FKBP1A: variants seen among roughly 807,000 people sequenced by gnomAD.
FKBP1A encodes the protein FKBP prolyl isomerase 1A, also known as peptidyl-prolyl cis-trans isomerase FKBP1A.
FKBP1A carries 5 observed loss-of-function variants against 14.2 expected under a neutral mutation model. The ratio of observed to expected loss-of-function variants is 0.35; its 90% confidence interval spans 0.18 to 0.74. FKBP1A has a LOEUF of 0.74. Among genes scored for constraint, FKBP1A ranks in the 30% least tolerant of loss-of-function variants. The pLI is 0.56. For missense variants in FKBP1A, 53 were observed against 138.8 expected (o/e 0.38, Z 3.10); for synonymous variants, 42 against 49.1 (o/e 0.86, Z 0.60).
At chr20:1,385,541 C>T (rs941724441) in intron 2 of FKBP1A, among the ~76,000 whole-genome samples, 1 of 152,102 alleles carries the variant, frequency 6.6e-6, no homozygotes, top group Non-Finnish European at 1.5e-5. Flanking sequence ...CCTGCTTCTG[C>T]TCTTGCTCTC....
At chr20:1,391,936 G>A (rs529325951) in intron 2 of FKBP1A, among the ~76,000 whole-genome samples, 1 of 152,042 alleles carries the variant, frequency 6.6e-6, no homozygotes, top group African/African-American at 2.4e-5. Flanking sequence ...CCCCTCCCCC[G>A]CCCCCATACA....
At chr20:1,392,762 G>A in intron 2 of FKBP1A, 72 bp downstream of exon 2, 5 of 1,215,690 alleles carry the variant, frequency 4.1e-6, no homozygotes, top group Middle Eastern at 2.9e-4. Context: ...GGGCCCCCAG[G>A]CCTCGACGGC....
chr20:1,382,516 T>A (rs767257630), intron 2 of FKBP1A, among the ~76,000 whole-genome samples: 5 of 152,186 alleles, frequency 3.3e-5, no homozygotes, highest in Non-Finnish European at 5.9e-5. Context: ...CAGCCCAAGC[T>A]CACAGACCTG....
At chr20:1,371,109 AG>A (rs1248771748) in intron 4 of FKBP1A, 25 of 985,448 alleles carry the variant, frequency 2.5e-5, no homozygotes, top group Non-Finnish European at 2.9e-5. Flanking sequence ...TTCAAACAAA[AG>A]TGTCCTCACC....
intron 3 of FKBP1A, among the ~76,000 whole-genome samples, chr20:1,373,768 G>T (rs569355784): frequency 6.6e-6 from 1 of 152,236 alleles, no homozygotes; most frequent in South Asian, 2.1e-4. Flanking sequence ...AGCAGTCACA[G>T]AAGATGGGTT....
chr20:1,371,343 T>C (rs1221284678), intron 4 of FKBP1A, among the ~76,000 whole-genome samples: 2 of 152,246 alleles, frequency 1.3e-5, no homozygotes, highest in African/African-American at 2.4e-5. Context: ...TGCCACTGCC[T>C]GGATGTGACC....
chr20:1,371,770 G>A, intron 4 of FKBP1A: 4 of 1,041,988 alleles, frequency 3.8e-6, no homozygotes, highest in Non-Finnish European at 4.6e-6. Flanking sequence ...CTACAAATTT[G>A]GCCTACATTT....
intron 4 of FKBP1A, among the ~76,000 whole-genome samples, chr20:1,371,551 C>G (rs1352066292): frequency 6.6e-6 from 1 of 152,140 alleles, no homozygotes; most frequent in African/African-American, 2.4e-5. Context: ...GGGTGTGGAC[C>G]CTGAGCAGGT....
chr20:1,392,979 G>C lies in FKBP1A; in HGVS notation c.20C>G (p.Thr7Ser). 1 of 1,489,376 alleles carries C rather than the reference G, an allele frequency of 6.7e-7. No individual in the cohort carries two copies. Among genetic ancestry groups the C allele is most frequent in the East Asian group, 2.6e-5 (1 of 38,928 alleles). The allele number at this position is 1,489,376 out of a possible 1,614,324, so 92.3% of individuals were successfully genotyped here. A position where few individuals can be genotyped will look rare whatever the true frequency, so the allele number is the denominator to read the frequency against. The stretch of plus-strand genomic sequence containing the variant: ...CTACTCACCGTCTCCTGGGGAGATG[G>C]TTTCCACCTGCACTCCCATGGCGGC... MGVQVE[T>S]ISPGDGRTFP... Residue 7 changes from threonine to serine, a missense_variant, in exon 1 of 5, where the codon ACC (threonine) becomes AGC (serine). Thr to Ser is a moderately conservative substitution (Grantham distance 58). Transcript: ENST00000400137.
rs1190320929 is a variant in FKBP1A, at chr20:1,369,846, G to C, written c.*263C>G. ...TGAAACTGAATCTTCACCCCAAAAT[G>C]AAAACAAAATAAAATGAATAACTTG... On this transcript the variant is annotated 3_prime_UTR_variant, in exon 5 of 5. Coordinates refer to ENST00000400137, the MANE Select transcript of FKBP1A (RefSeq NM_000801.5). The C allele has an allele frequency of 1.5e-5, 9 of 598,324 alleles. No homozygotes were observed. The highest frequency in any genetic ancestry group is 2.5e-5 in the Non-Finnish European group (9 of 361,844). 37.1% of individuals were successfully genotyped at this position (598,324 alleles called of 1,614,324 possible).
At chr20:1,389,954 T>A (rs1298532809) in intron 2 of FKBP1A, among the ~76,000 whole-genome samples, 2 of 152,156 alleles carry the variant, frequency 1.3e-5, no homozygotes. Context: ...AACTTTGTAT[T>A]TTCCCTCTGG....
chr20:1,380,881 A>G (rs1313480510), intron 2 of FKBP1A, among the ~76,000 whole-genome samples: 1 of 152,238 alleles, frequency 6.6e-6, no homozygotes, highest in East Asian at 1.9e-4. Flanking sequence ...AATGTCTGAG[A>G]TGAAAATTAC....
intron 3 of FKBP1A, among the ~76,000 whole-genome samples, chr20:1,372,577 G>A (rs1275446537): frequency 1.3e-5 from 2 of 152,100 alleles, no homozygotes; most frequent in African/African-American, 4.8e-5. Flanking sequence ...CCCCTTCAGT[G>A]ATCTGTCACT....
chr20:1,392,084 T>C (rs1034931148), intron 2 of FKBP1A, among the ~76,000 whole-genome samples: 1 of 152,230 alleles, frequency 6.6e-6, no homozygotes, highest in Non-Finnish European at 1.5e-5. Flanking sequence ...AGCCTCCAGA[T>C]GCTTATCTTT....
intron 4 of FKBP1A, 43 bp downstream of exon 4, chr20:1,372,033 G>A (rs966865292): frequency 6.3e-6 from 10 of 1,588,938 alleles, no homozygotes; most frequent in African/African-American, 2.7e-5. Flanking sequence ...AACATGGGAG[G>A]AGCAAAGGCA....
intron 2 of FKBP1A, among the ~76,000 whole-genome samples, chr20:1,384,592 C>T (rs921358073): frequency 7.9e-5 from 12 of 152,204 alleles, no homozygotes; most frequent in Non-Finnish European, 1.8e-4. Context: ...TGTTAGCATA[C>T]CAACTACCCA....
chr20:1,387,645 A>G (rs2089682092), intron 2 of FKBP1A, among the ~76,000 whole-genome samples: 1 of 152,126 alleles, frequency 6.6e-6, no homozygotes, highest in Non-Finnish European at 1.5e-5. Context: ...CAGGAGTTTG[A>G]GACTAGCCTG....
At chr20:1,387,510 G>A (rs2122704197) in intron 2 of FKBP1A, among the ~76,000 whole-genome samples, 2 of 152,274 alleles carry the variant, frequency 1.3e-5, no homozygotes, top group South Asian at 4.1e-4. Context: ...CACTGGGAAT[G>A]GCAATACCCC....
intron 2 of FKBP1A, among the ~76,000 whole-genome samples, chr20:1,375,853 G>T (rs2089534685): frequency 1.3e-5 from 2 of 152,162 alleles, no homozygotes; most frequent in Non-Finnish European, 2.9e-5. Context: ...TACCAGAGAT[G>T]AGCGGCAGTC....
Sources: allele counts gnomAD v4.1 joint callset (sites outside exome capture counted in the v4.1 genomes callset), GRCh38; gene constraint gnomAD v4.1.1; transcripts MANE v1.5; gene names NCBI Gene and HGNC (gene_info 2026-07-23, HGNC 2026-07-21).